Variants in GALNT13 observed in about 807,000 individuals in gnomAD.
GALNT13 encodes polypeptide N-acetylgalactosaminyltransferase 13.
A neutral mutation model predicts 64.2 loss-of-function variants in GALNT13; 28 were observed. The ratio of observed to expected loss-of-function variants is 0.44; its 90% CI spans 0.32 to 0.60. GALNT13 has a LOEUF of 0.60. GALNT13 is among the 20% of genes least tolerant of loss of function. GALNT13 has a pLI of 0.05. For synonymous variants in GALNT13, 214 were observed against 224.6 expected (o/e 0.95, Z 0.42); for missense variants, 577 against 669.8 (o/e 0.86, Z 1.53).
the GALNT13 span, among the ~76,000 whole-genome samples, chr2:153,511,479 C>T: frequency 1.3e-5 from 2 of 152,104 alleles, no homozygotes; most frequent in African/African-American, 4.8e-5. Flanking sequence ...TTTCTTTTAT[C>T]TCCATGAAAT....
At chr2:153,623,908 G>T in the GALNT13 span, among the ~76,000 whole-genome samples, 1 of 151,948 alleles carries the variant, frequency 6.6e-6, no homozygotes, top group Non-Finnish European at 1.5e-5. Context: ...ACTCCATGGA[G>T]CCAATATACA....
intron 3 of GALNT13, among the ~76,000 whole-genome samples, chr2:153,989,222 C>T (rs2105183365): frequency 6.6e-6 from 1 of 151,896 alleles, no homozygotes; most frequent in South Asian, 2.1e-4. Flanking sequence ...TATTTTTTGG[C>T]CTATATAATC....
chr2:153,726,845 C>T, the GALNT13 span, among the ~76,000 whole-genome samples: 4,155 of 146,414 alleles, frequency 0.028, 86 homozygotes, highest in Non-Finnish European at 0.042. Context: ...GAGGCTGAGG[C>T]GGGAGAATGG....
intron 5 of GALNT13, among the ~76,000 whole-genome samples, 159 bp downstream of exon 5, chr2:154,242,355 T>C (rs1041058564): frequency 4.6e-5 from 7 of 152,166 alleles, no homozygotes; most frequent in African/African-American, 1.7e-4. Context: ...CAGATTCTCA[T>C]CAAGAACCTC....
At chr2:153,302,519 C>T in the GALNT13 span, among the ~76,000 whole-genome samples, 169 of 150,330 alleles carry the variant, frequency 1.1e-3, no homozygotes, top group Non-Finnish European at 1.9e-3. Context: ...CGTAAGTTGT[C>T]GTCTCTTCAG....
chr2:154,450,810 G>A lies in GALNT13; in HGVS notation c.*259G>A, dbSNP rs1029481511. 2.4e-5 allele frequency: 8 copies of A among 336,354 alleles called. No homozygotes were observed. Among genetic ancestry groups the A allele is most frequent in the African/African-American group, 6.4e-5 (3 of 47,114 alleles). The allele number at this position is 336,354 out of a possible 1,614,324, so 20.8% of individuals were successfully genotyped here. A position where few individuals can be genotyped will look rare whatever the true frequency, so the allele number is the denominator to read the frequency against. On this transcript the variant is annotated 3_prime_UTR_variant, in exon 13 of 13. Transcript: ENST00000392825. ...ACAACTTGTAAAACAAATTGTGTTT[G>A]CTTTAAGAAAAATGTTTATTGCACT... is the stretch of plus-strand genomic sequence containing the variant.
the GALNT13 span, among the ~76,000 whole-genome samples, chr2:153,158,499 G>A: frequency 6.6e-6 from 1 of 152,080 alleles, no homozygotes; most frequent in Admixed American, 6.5e-5. Context: ...AAACAAATTA[G>A]TCTATTCCTG....
intron 2 of GALNT13, among the ~76,000 whole-genome samples, chr2:153,917,891 C>T (rs984800522): frequency 5.1e-4 from 2 of 3,884 alleles, no homozygotes; most frequent in Non-Finnish European, 0.017. Flanking sequence ...GTCAATTAGG[C>T]AGTTATCTGT....
the GALNT13 span, among the ~76,000 whole-genome samples, chr2:153,468,847 C>G: frequency 2.6e-5 from 4 of 152,032 alleles, no homozygotes; most frequent in African/African-American, 9.7e-5. Flanking sequence ...AGTAAGAACA[C>G]AATGTTATAA....
At chr2:153,638,887 GA>G in the GALNT13 span, among the ~76,000 whole-genome samples, 1 of 152,210 alleles carries the variant, frequency 6.6e-6, no homozygotes, top group South Asian at 2.1e-4. Context: ...TTATTAAGGA[GA>G]GTAGGAGAGT....
the GALNT13 span, among the ~76,000 whole-genome samples, chr2:153,408,824 C>A: frequency 6.6e-6 from 1 of 152,074 alleles, no homozygotes; most frequent in Non-Finnish European, 1.5e-5. Context: ...CTGGGTGTGT[C>A]TGTGAGGGTG....
chr2:153,905,095 CAT>C (rs948768912), intron 2 of GALNT13, among the ~76,000 whole-genome samples: 1 of 151,926 alleles, frequency 6.6e-6, no homozygotes, highest in South Asian at 2.1e-4. Context: ...TCTTCTACCA[CAT>C]GTTATTCAAA....
the GALNT13 span, among the ~76,000 whole-genome samples, chr2:153,720,464 G>T: frequency 2.0e-5 from 3 of 149,958 alleles, no homozygotes; most frequent in South Asian, 2.1e-4. Context: ...GGATGGAGAA[G>T]GATTTTGACG....
At chr2:153,587,232 CAAAA>C in the GALNT13 span, among the ~76,000 whole-genome samples, 1 of 129,600 alleles carries the variant, frequency 7.7e-6, no homozygotes, top group Non-Finnish European at 1.6e-5. Flanking sequence ...GACTCTGTCT[CAAAA>C]AAAAAAAAAA....
At chr2:153,237,405 C>G in the GALNT13 span, among the ~76,000 whole-genome samples, 2 of 151,872 alleles carry the variant, frequency 1.3e-5, no homozygotes, top group Non-Finnish European at 2.9e-5. Flanking sequence ...CCTGTAATCA[C>G]CTATTATGCT....
the GALNT13 span, among the ~76,000 whole-genome samples, chr2:153,397,591 T>C: frequency 1.3e-4 from 20 of 152,106 alleles, no homozygotes; most frequent in Middle Eastern, 3.4e-3. Context: ...GTATTTGGAA[T>C]TAGGTATGAG....
chr2:153,625,860 G>A, the GALNT13 span, among the ~76,000 whole-genome samples: 13 of 152,016 alleles, frequency 8.6e-5, no homozygotes, highest in East Asian at 1.9e-4. Context: ...AGCCATTGCC[G>A]ACCTACAGCT....
chr2:153,490,370 A>G, the GALNT13 span, among the ~76,000 whole-genome samples: 1 of 152,154 alleles, frequency 6.6e-6, no homozygotes, highest in Non-Finnish European at 1.5e-5. Flanking sequence ...AAAGAGAAAT[A>G]TTTTATTTAT....
intron 9 of GALNT13, 62 bp from the exon 10 acceptor site, chr2:154,395,929 A>G: frequency 1.4e-6 from 2 of 1,428,644 alleles, no homozygotes; most frequent in Non-Finnish European, 9.4e-7. Flanking sequence ...AAGTAAATGT[A>G]GTAAAACAGT....
Sources: gnomAD v4.1 joint callset for allele counts (sites outside exome capture counted in the v4.1 genomes callset) on GRCh38, gnomAD v4.1.1 for gene constraint, MANE v1.5 for transcripts, NCBI Gene and HGNC (gene_info 2026-07-23, HGNC 2026-07-21) for gene names.